Variants in WDPCP observed in about 807,000 individuals in gnomAD.
WDPCP encodes the protein WD repeat-containing and planar cell polarity effector protein fritz homolog.
WDPCP carries 71 observed loss-of-function variants against 93.1 expected under a neutral mutation model. That is an observed-to-expected ratio of 0.76 (90% CI 0.63 to 0.93). WDPCP has a LOEUF of 0.93. WDPCP is among the 40% of genes least tolerant of loss of function. The pLI is 0.00. For synonymous variants in WDPCP, 315 were observed against 315.0 expected, an observed-to-expected ratio of 1.00 and a Z score of 0.00; for missense variants, 844 against 887.4, an observed-to-expected ratio of 0.95 and a Z score of 0.62.
At chr2:63,688,331 G>GC (rs1668840296) in intron 2 of WDPCP, among the ~76,000 whole-genome samples, 1 of 152,006 alleles carries the variant, frequency 6.6e-6, no homozygotes, top group South Asian at 2.1e-4. Flanking sequence ...GGAGGCTGAG[G>GC]CAGGAAAATG....
Position 63,383,690 on chromosome 2 carries a change from G to A in WDPCP, c.1436-1596C>T, listed in dbSNP as rs1448485781. On this transcript the variant is annotated intron_variant, in intron 10 of 17. Transcript: ENST00000272321. ...ATCACACCACTGCACTCCAGCCTGG[G>A]TGACAGAGTGAGACTCTGTCTCAAT... Among the ~76,000 whole-genome samples, 3 of 152,206 alleles carry A rather than the reference G, an allele frequency of 2.0e-5. No homozygotes were observed. In the East Asian group the frequency reaches 5.8e-4, roughly 29 times the overall value.
At chr2:63,302,188 C>G (rs942826551) in intron 13 of WDPCP, among the ~76,000 whole-genome samples, 1 of 152,144 alleles carries the variant, frequency 6.6e-6, no homozygotes, top group East Asian at 1.9e-4. Context: ...AAATTTAACT[C>G]ATGTATTTGA....
chr2:63,706,665 G>A (rs1344287697), intron 2 of WDPCP, among the ~76,000 whole-genome samples: 5 of 136,762 alleles, frequency 3.7e-5, no homozygotes, highest in South Asian at 2.3e-4. Context: ...GCTGGACTGC[G>A]GACTGCAGTG....
chr2:63,689,822 C>G (rs1668864637), intron 2 of WDPCP, among the ~76,000 whole-genome samples: 1 of 152,154 alleles, frequency 6.6e-6, no homozygotes, highest in Non-Finnish European at 1.5e-5. Flanking sequence ...ATAAAGACCT[C>G]CAGAAACTTC....
chr2:63,528,049 C>T (rs1475841755), intron 1 of WDPCP, among the ~76,000 whole-genome samples: 1 of 151,976 alleles, frequency 6.6e-6, no homozygotes, highest in African/African-American at 2.4e-5. Context: ...TATCCTTCGC[C>T]CCCTTTTTCA....
intron 6 of WDPCP, among the ~76,000 whole-genome samples, chr2:63,449,372 C>A (rs1407906135): frequency 6.6e-6 from 1 of 151,954 alleles, no homozygotes; most frequent in Non-Finnish European, 1.5e-5. Context: ...ACATCAGATA[C>A]CCCCCCACTT....
chr2:63,264,868 T>C (rs13010705), intron 13 of WDPCP, among the ~76,000 whole-genome samples: 1 of 152,328 alleles, frequency 6.6e-6, no homozygotes, highest in South Asian at 2.1e-4. Flanking sequence ...TGAAATCATA[T>C]ATTTTCTGAC....
At chr2:63,343,176 T>C (rs1163336343) in intron 12 of WDPCP, among the ~76,000 whole-genome samples, 1 of 152,142 alleles carries the variant, frequency 6.6e-6, no homozygotes, top group African/African-American at 2.4e-5. Context: ...TTTTTTCTTT[T>C]TTTGCATTTT....
chr2:63,628,214 C>T (rs1277075034), intron 3 of WDPCP, among the ~76,000 whole-genome samples: 1 of 152,090 alleles, frequency 6.6e-6, no homozygotes, highest in African/African-American at 2.4e-5. Flanking sequence ...CAGCTTTCTG[C>T]TCTACAAAAT....
intron 14 of WDPCP, among the ~76,000 whole-genome samples, chr2:63,196,508 TG>T (rs1675444411): frequency 6.6e-6 from 1 of 152,186 alleles, no homozygotes; most frequent in Non-Finnish European, 1.5e-5. Flanking sequence ...TGAGAAAATG[TG>T]AAGTCATTAT....
chr2:63,457,132 G>A (rs900252668), intron 6 of WDPCP, among the ~76,000 whole-genome samples: 11 of 152,036 alleles, frequency 7.2e-5, no homozygotes, highest in African/African-American at 2.7e-4. Context: ...AAAATCATAA[G>A]TGAAAAAGGA....
chr2:63,672,784 C>G (rs1710361037), intron 2 of WDPCP, among the ~76,000 whole-genome samples: 1 of 140,596 alleles, frequency 7.1e-6, no homozygotes, highest in Non-Finnish European at 1.6e-5. Context: ...GGGTCTCACT[C>G]TGTTGTCCAG....
rs534102944 is a variant in WDPCP at position 63,381,954 on chromosome 2, C to T, written c.1576G>A (p.Ala526Thr). 22 of 1,613,474 alleles carry T rather than the reference C, an allele frequency of 1.4e-5. No homozygotes were observed. Among genetic ancestry groups the T allele is most frequent in the South Asian group, 1.3e-4 (12 of 91,064 alleles). Residue 526 changes from alanine to threonine, a missense_variant, in exon 11 of 18, where the codon GCC (alanine) becomes ACC (threonine). Coordinates refer to ENST00000272321, the MANE Select transcript of WDPCP (RefSeq NM_015910.7). ...TGTCTAAGAAGATGGTTTACAATGG[C>T]GCTCATGCTGATAAAGCACTGGTGG... ...LGHQCFISMS[A>T]IVNHLLRQKL... is the part of the protein sequence containing the mutation.
chr2:63,589,354 G>C (rs1453927538), upstream of WDPCP: 3 of 1,550,638 alleles, frequency 1.9e-6, no homozygotes, highest in Non-Finnish European at 2.6e-6. Context: ...ATTTTCCAAA[G>C]GACGTTACGG....
At chr2:63,192,578 T>C (rs962496973) in intron 14 of WDPCP, among the ~76,000 whole-genome samples, 7 of 152,260 alleles carry the variant, frequency 4.6e-5, no homozygotes, top group Non-Finnish European at 8.8e-5. Context: ...AAGAGGTTAA[T>C]TGGCTTGCTC....
intron 1 of WDPCP, among the ~76,000 whole-genome samples, chr2:63,825,921 A>T (rs1033033737): frequency 2.6e-5 from 4 of 152,152 alleles, no homozygotes; most frequent in Non-Finnish European, 4.4e-5. Context: ...TTCCTTATCT[A>T]CATCTTTGTG....
At chr2:63,346,986 A>G (rs184323296) in intron 12 of WDPCP, among the ~76,000 whole-genome samples, 12 of 152,286 alleles carry the variant, frequency 7.9e-5, no homozygotes, top group Admixed American at 7.9e-4. Flanking sequence ...GTCTATGGCA[A>G]GAGGGTCAGT....
Position 63,121,216 on chromosome 2 carries a change from C to T in WDPCP, c.*790G>A, listed in dbSNP as rs971411388. Reference sequence around the variant, plus strand: ...GAAACAGTATCTGTGTTCTAAGGGGCAGTCAGGGCAAATTACTCATAGCAG... The same window carrying T: ...GAAACAGTATCTGTGTTCTAAGGGGTAGTCAGGGCAAATTACTCATAGCAG... On this transcript the variant is annotated 3_prime_UTR_variant, in exon 18 of 18. Coordinates refer to ENST00000272321, the MANE Select transcript of WDPCP (RefSeq NM_015910.7). 6.6e-6 allele frequency among the ~76,000 whole-genome samples: 1 copy of T among 151,940 alleles called. No homozygotes were observed. Among genetic ancestry groups the T allele is most frequent in the Non-Finnish European group, 1.5e-5 (1 of 67,986 alleles).
At chr2:63,689,466 G>A (rs1456961308) in intron 2 of WDPCP, among the ~76,000 whole-genome samples, 2 of 152,128 alleles carry the variant, frequency 1.3e-5, no homozygotes, top group African/African-American at 4.8e-5. Context: ...AAATACCTAA[G>A]GTAATTGTGA....
Sources: allele counts gnomAD v4.1 joint callset (sites outside exome capture counted in the v4.1 genomes callset), GRCh38; gene constraint gnomAD v4.1.1; transcripts MANE v1.5; gene names NCBI Gene and HGNC (gene_info 2026-07-23, HGNC 2026-07-21).